CRIM1: variants seen among roughly 807,000 people sequenced by gnomAD.
The protein encoded by CRIM1 is cysteine-rich motor neuron 1 protein.
Under a neutral mutation model 116.4 loss-of-function variants are expected in CRIM1, and 32 were observed. The ratio of observed to expected loss-of-function variants is 0.27; its 90% CI spans 0.21 to 0.37. The LOEUF (loss-of-function observed/expected upper bound fraction) is 0.37. CRIM1 is among the 10% of genes least tolerant of loss of function. CRIM1 has a pLI of 1.00. For synonymous variants in CRIM1, 590 were observed against 509.2 expected, an observed-to-expected ratio of 1.16 and a Z score of -2.13; for missense variants, 1,331 against 1,354.8, an observed-to-expected ratio of 0.98 and a Z score of 0.28.
intron 2 of CRIM1, among the ~76,000 whole-genome samples, chr2:36,399,833 A>G (rs1672287323): frequency 6.6e-6 from 1 of 152,256 alleles, no homozygotes. Context: ...GATGGAAGAA[A>G]GGGTGTGGAA....
chr2:36,517,663 C>G, intron 12 of CRIM1, 121 bp downstream of exon 12: 1 of 893,284 alleles, frequency 1.1e-6, no homozygotes, highest in Non-Finnish European at 1.7e-6. Flanking sequence ...ACCCAGTATC[C>G]CATCAGGAAC....
intron 2 of CRIM1, among the ~76,000 whole-genome samples, chr2:36,398,799 T>C (rs1488304360): frequency 6.6e-6 from 1 of 152,154 alleles, no homozygotes; most frequent in African/African-American, 2.4e-5. Context: ...GAGAAGGAAT[T>C]TTGAAGGAAA....
chr2:36,545,567 G>C (rs1331648429), intron 15 of CRIM1, among the ~76,000 whole-genome samples: 2 of 152,110 alleles, frequency 1.3e-5, no homozygotes, highest in Admixed American at 6.5e-5. Context: ...CAACTGATTT[G>C]TTTTAACCTA....
chr2:36,426,490 C>G (rs1271359772), intron 2 of CRIM1, among the ~76,000 whole-genome samples: 2 of 152,102 alleles, frequency 1.3e-5, no homozygotes, highest in Non-Finnish European at 2.9e-5. Flanking sequence ...ATAGGATTCC[C>G]TTAGCCTCTT....
intron 1 of CRIM1, among the ~76,000 whole-genome samples, chr2:36,386,247 T>G (rs1262969700): frequency 6.6e-6 from 1 of 152,204 alleles, no homozygotes; most frequent in Non-Finnish European, 1.5e-5. Context: ...TATCTAATTA[T>G]TGTCATAATA....
chr2:36,363,709 C>A (rs1669401969), intron 1 of CRIM1, among the ~76,000 whole-genome samples: 2 of 152,122 alleles, frequency 1.3e-5, no homozygotes, highest in Admixed American at 6.5e-5. Context: ...GAGGCGGGAA[C>A]CTAGATGTGC....
chr2:36,393,386 G>T (rs529216154), intron 1 of CRIM1, among the ~76,000 whole-genome samples: 1 of 151,996 alleles, frequency 6.6e-6, no homozygotes, highest in South Asian at 2.1e-4. Context: ...ATATGTGTGT[G>T]TATATATGTA....
chr2:36,511,090 C>A (rs576095533), intron 9 of CRIM1, among the ~76,000 whole-genome samples: 1 of 151,972 alleles, frequency 6.6e-6, no homozygotes, highest in Non-Finnish European at 1.5e-5. Flanking sequence ...TAGAGGCATG[C>A]GCCACCATGC....
intron 4 of CRIM1, among the ~76,000 whole-genome samples, chr2:36,461,161 G>T (rs1266866721): frequency 6.6e-6 from 1 of 152,168 alleles, no homozygotes; most frequent in Non-Finnish European, 1.5e-5. Context: ...CTTAGGATGG[G>T]TGTAGCATGG....
chr2:36,428,533 C>G (rs1674632513), intron 2 of CRIM1, among the ~76,000 whole-genome samples: 1 of 152,186 alleles, frequency 6.6e-6, no homozygotes, highest in South Asian at 2.1e-4. Context: ...TTCATATATA[C>G]AGAAAATCTA....
At chr2:36,499,149 C>T in intron 7 of CRIM1, 70 bp from the exon 8 acceptor site, 1 of 1,282,196 alleles carries the variant, frequency 7.8e-7, no homozygotes, top group Non-Finnish European at 1.1e-6. Context: ...TGTGGAATTT[C>T]AAAAATTGAA....
At chr2:36,477,216 C>G in intron 6 of CRIM1, 145 bp downstream of exon 6, 1 of 652,078 alleles carries the variant, frequency 1.5e-6, no homozygotes. Context: ...CATGGTCTGT[C>G]TTTTAGCATG....
chr2:36,469,985 C>G (rs1678364099), intron 5 of CRIM1, among the ~76,000 whole-genome samples: 3 of 152,244 alleles, frequency 2.0e-5, no homozygotes, highest in Non-Finnish European at 2.9e-5. Context: ...TTGAAACTAG[C>G]AAACATATTT....
intron 1 of CRIM1, among the ~76,000 whole-genome samples, chr2:36,369,810 A>C (rs1472866898): frequency 6.6e-6 from 1 of 152,174 alleles, no homozygotes; most frequent in Non-Finnish European, 1.5e-5. Flanking sequence ...CCTGAGTGGG[A>C]ATACTCTTTG....
intron 1 of CRIM1, among the ~76,000 whole-genome samples, chr2:36,393,864 A>G (rs918994225): frequency 6.6e-6 from 1 of 152,244 alleles, no homozygotes; most frequent in African/African-American, 2.4e-5. Context: ...ATGAGTCTGC[A>G]GAAGTAGCTA....
chr2:36,447,953 C>G (rs1676379534), intron 4 of CRIM1, among the ~76,000 whole-genome samples: 1 of 152,206 alleles, frequency 6.6e-6, no homozygotes, highest in African/African-American at 2.4e-5. Flanking sequence ...CCCAGCAGCT[C>G]TTTTTCTGCT....
chr2:36,431,121 C>T (rs552620982), intron 2 of CRIM1, among the ~76,000 whole-genome samples: 2 of 152,162 alleles, frequency 1.3e-5, no homozygotes, highest in East Asian at 3.9e-4. Flanking sequence ...TCAACTTTAC[C>T]TTTCTGAGAC....
At chr2:36,380,067 C>T (rs1670625151) in intron 1 of CRIM1, among the ~76,000 whole-genome samples, 2 of 152,110 alleles carry the variant, frequency 1.3e-5, no homozygotes, top group South Asian at 4.2e-4. Flanking sequence ...GAATGGCAGC[C>T]CTAAATGGGC....
At chr2:36,464,432 A>C in intron 4 of CRIM1, 102 bp from the exon 5 acceptor site, 1 of 1,222,356 alleles carries the variant, frequency 8.2e-7, no homozygotes, top group Non-Finnish European at 1.2e-6. Flanking sequence ...TGTCGTATAG[A>C]CCAGGTACTT....
Sources: gnomAD v4.1 joint callset for allele counts (sites outside exome capture counted in the v4.1 genomes callset) on GRCh38, gnomAD v4.1.1 for gene constraint, MANE v1.5 for transcripts, NCBI Gene and HGNC (gene_info 2026-07-23, HGNC 2026-07-21) for gene names.